CNBD1: variants seen among roughly 807,000 people sequenced by gnomAD.
CNBD1 encodes the protein cyclic nucleotide binding domain containing 1.
CNBD1 carries 71 observed loss-of-function variants against 54.4 expected under a neutral mutation model. The ratio of observed to expected loss-of-function variants is 1.30; its 90% CI spans 1.08 to 1.59. The LOEUF (loss-of-function observed/expected upper bound fraction) is 1.59. CNBD1 is among the 40% of genes most tolerant of loss of function. The pLI, the probability that CNBD1 is intolerant of heterozygous loss-of-function variation, is 0.00. For synonymous variants in CNBD1, 182 were observed against 170.7 expected (o/e 1.07, Z -0.51); for missense variants, 659 against 518.0 (o/e 1.27, Z -2.64).
chr8:87,414,411 T>C (rs552351021), intron 2 of CNBD1, among the ~76,000 whole-genome samples: 3 of 152,132 alleles, frequency 2.0e-5, no homozygotes, highest in East Asian at 1.9e-4. Flanking sequence ...TTAGGAGATA[T>C]ACCTAATGCT....
intron 6 of CNBD1, among the ~76,000 whole-genome samples, chr8:87,284,184 T>C (rs1372870838): frequency 1.3e-5 from 2 of 152,154 alleles, no homozygotes; most frequent in African/African-American, 4.8e-5. Flanking sequence ...ACTCATGACA[T>C]GTATTCTAGT....
chr8:87,211,174 C>A (rs1814089914), intron 5 of CNBD1, among the ~76,000 whole-genome samples: 1 of 152,176 alleles, frequency 6.6e-6, no homozygotes, highest in African/African-American at 2.4e-5. Flanking sequence ...TAGCCTCTTT[C>A]TTTTGGTCAA....
chr8:86,886,186 C>A (rs1808677981), intron 1 of CNBD1, among the ~76,000 whole-genome samples: 1 of 152,052 alleles, frequency 6.6e-6, no homozygotes, highest in African/African-American at 2.4e-5. Flanking sequence ...ATGAATACTT[C>A]ATAGAAGTTC....
At chr8:87,089,173 G>A (rs937195830) in intron 4 of CNBD1, among the ~76,000 whole-genome samples, 1 of 152,062 alleles carries the variant, frequency 6.6e-6, no homozygotes, top group African/African-American at 2.4e-5. Flanking sequence ...ATGAAGTGAA[G>A]TCAATGGAAT....
chr8:87,398,420 T>C (rs1811446169), intron 2 of CNBD1, among the ~76,000 whole-genome samples: 1 of 151,894 alleles, frequency 6.6e-6, no homozygotes, highest in African/African-American at 2.4e-5. Flanking sequence ...GACCAGTTTG[T>C]TGATATGTAC....
At chr8:87,341,479 G>A (rs1051951418) in intron 8 of CNBD1, among the ~76,000 whole-genome samples, 4 of 152,102 alleles carry the variant, frequency 2.6e-5, no homozygotes, top group Non-Finnish European at 5.9e-5. Context: ...ATGACAAGAG[G>A]GTAGTGTAAA....
At chr8:87,327,823 C>T (rs1326012300) in intron 8 of CNBD1, among the ~76,000 whole-genome samples, 2 of 152,168 alleles carry the variant, frequency 1.3e-5, no homozygotes, top group African/African-American at 2.4e-5. Flanking sequence ...ATCTTGGCTC[C>T]TCCCCCTTTT....
intron 4 of CNBD1, among the ~76,000 whole-genome samples, chr8:87,122,025 C>T (rs187801972): frequency 4.0e-5 from 6 of 151,716 alleles, no homozygotes; most frequent in Non-Finnish European, 8.9e-5. Flanking sequence ...TTGCAGTGAA[C>T]ATGGGAATGC....
At chr8:87,081,797 C>T (rs774435083) in intron 4 of CNBD1, among the ~76,000 whole-genome samples, 21 of 152,140 alleles carry the variant, frequency 1.4e-4, no homozygotes, top group East Asian at 3.9e-4. Context: ...TGAGCCACCA[C>T]GCCTGGCCTG....
intron 1 of CNBD1, among the ~76,000 whole-genome samples, chr8:86,885,460 T>C (rs2131784696): frequency 6.6e-6 from 1 of 152,276 alleles, no homozygotes; most frequent in East Asian, 1.9e-4. Flanking sequence ...GGGTTAAGTC[T>C]TTTCTGCTTC....
At chr8:86,953,591 G>C (rs1276832258) in intron 4 of CNBD1, among the ~76,000 whole-genome samples, 1 of 152,180 alleles carries the variant, frequency 6.6e-6, no homozygotes, top group Non-Finnish European at 1.5e-5. Context: ...TGCAGGCCGA[G>C]CACGGTGGCT....
intron 10 of CNBD1, among the ~76,000 whole-genome samples, chr8:87,355,650 G>T (rs954680591): frequency 6.6e-6 from 1 of 152,140 alleles, no homozygotes; most frequent in Non-Finnish European, 1.5e-5. Flanking sequence ...AGTAAAGGAT[G>T]AAAGCAAAGA....
At chr8:86,971,343 C>A (rs1018485650) in intron 4 of CNBD1, among the ~76,000 whole-genome samples, 1 of 152,108 alleles carries the variant, frequency 6.6e-6, no homozygotes, top group African/African-American at 2.4e-5. Context: ...CATGGGGAAA[C>A]CATGCTCATG....
intron 10 of CNBD1, among the ~76,000 whole-genome samples, chr8:87,359,311 A>G (rs556464248): frequency 2.6e-5 from 4 of 152,174 alleles, no homozygotes; most frequent in South Asian, 2.1e-4. Context: ...AATTCATTCC[A>G]TAGTCTGTTC....
chr8:87,379,211 G>C (rs1271304150), intron 10 of CNBD1, among the ~76,000 whole-genome samples: 1 of 151,954 alleles, frequency 6.6e-6, no homozygotes, highest in Non-Finnish European at 1.5e-5. Context: ...AGTGGTGAGA[G>C]AGGGCATCCC....
intron 2 of CNBD1, among the ~76,000 whole-genome samples, chr8:86,903,400 A>G (rs535341582): frequency 1.3e-5 from 2 of 152,272 alleles, no homozygotes; most frequent in African/African-American, 2.4e-5. Context: ...ATTTTGTAGT[A>G]TAGGCTGCAT....
intron 8 of CNBD1, among the ~76,000 whole-genome samples, chr8:87,304,742 G>C: frequency 6.6e-6 from 1 of 151,916 alleles, no homozygotes; most frequent in East Asian, 1.9e-4. Flanking sequence ...CAGCAATGTC[G>C]GCAAACAAGG....
chr8:87,010,692 C>T (rs1809200182), intron 4 of CNBD1, among the ~76,000 whole-genome samples: 2 of 152,276 alleles, frequency 1.3e-5, no homozygotes, highest in South Asian at 2.1e-4. Context: ...TTACAGTGAG[C>T]CGTGATCACG....
chr8:86,920,542 A>C (rs1162355888), intron 3 of CNBD1, among the ~76,000 whole-genome samples: 2 of 152,178 alleles, frequency 1.3e-5, no homozygotes, highest in African/African-American at 4.8e-5. Context: ...CAATGTGCAT[A>C]TTGTATGCTC....
Sources: allele counts gnomAD v4.1 joint callset (sites outside exome capture counted in the v4.1 genomes callset), GRCh38; gene constraint gnomAD v4.1.1; transcripts MANE v1.5; gene names NCBI Gene and HGNC (gene_info 2026-07-23, HGNC 2026-07-21).